The following LGI2 variants were observed in gnomAD, a reference collection of about 807,000 sequenced individuals.
LGI2 encodes leucine rich repeat LGI family member 2.
In LGI2, 30 loss-of-function variants were observed where a neutral mutation model predicts 52.0. That is an observed-to-expected ratio of 0.58 (90% CI 0.43 to 0.78). The LOEUF is 0.78. Ranked by LOEUF, LGI2 falls within the 30% of genes least tolerant of loss-of-function variation. The pLI is 0.00. For missense variants in LGI2, 573 were observed against 692.5 expected (o/e 0.83, Z 1.94); for synonymous variants, 270 against 271.8 (o/e 0.99, Z 0.06).
intron 1 of LGI2, among the ~76,000 whole-genome samples, chr4:25,030,037 G>C (rs547472325): frequency 6.6e-6 from 1 of 152,290 alleles, no homozygotes; most frequent in Admixed American, 6.5e-5. Flanking sequence ...CACTCAGTCA[G>C]GTCGTGTTCA....
intron 6 of LGI2, among the ~76,000 whole-genome samples, chr4:25,016,385 CT>C (rs1470771117): frequency 6.6e-6 from 1 of 152,208 alleles, no homozygotes; most frequent in Non-Finnish European, 1.5e-5. Context: ...TCTCAGTGAG[CT>C]TTAGTTTAGC....
chr4:25,005,685 G>A (rs947430184), intron 7 of LGI2, among the ~76,000 whole-genome samples: 3 of 152,060 alleles, frequency 2.0e-5, no homozygotes, highest in African/African-American at 7.2e-5. Context: ...AAAGGCAGGA[G>A]TGAGGTCTCA....
downstream of LGI2, among the ~76,000 whole-genome samples, chr4:24,998,358 G>A (rs1045642676): frequency 3.3e-5 from 5 of 152,242 alleles, no homozygotes; most frequent in African/African-American, 9.6e-5. Context: ...TATGTGATTT[G>A]GTTTCTGAGC....
downstream of LGI2, among the ~76,000 whole-genome samples, chr4:24,997,750 T>C (rs1353064784): frequency 1.3e-5 from 2 of 152,142 alleles, no homozygotes; most frequent in African/African-American, 2.4e-5. Flanking sequence ...TATAATCTCC[T>C]CTCTTTGAGG....
intron 6 of LGI2, among the ~76,000 whole-genome samples, chr4:25,014,548 C>A (rs1350932047): frequency 1.4e-5 from 2 of 139,306 alleles, no homozygotes; most frequent in Admixed American, 1.6e-4. Flanking sequence ...CAGGGCCAGG[C>A]AAGATAGGCA....
intron 6 of LGI2, among the ~76,000 whole-genome samples, chr4:25,016,501 TG>T (rs1709681842): frequency 6.6e-6 from 1 of 152,246 alleles, no homozygotes; most frequent in Non-Finnish European, 1.5e-5. Context: ...TTTATTGTCC[TG>T]GCCCTAAAAT....
rs534277523 is a variant in LGI2, at chr4:25,016,627, G to T, written c.655+1362C>A. On this transcript the variant is annotated intron_variant, in intron 6 of 7. Coordinates refer to ENST00000382114, the MANE Select transcript of LGI2 (RefSeq NM_018176.4). ...AAAAGTCATTTCTGTGAGATTGCAG[G>T]TTGTCTATCAGAAAAGAATAGAACT... Among the ~76,000 whole-genome samples the T allele has an allele frequency of 3.2e-4, 48 of 152,310 alleles. No individual in the cohort carries two copies. In the South Asian group the frequency reaches 6.2e-3, roughly 20 times the overall value.
intron 5 of LGI2, 29 bp from the exon 6 acceptor site, chr4:25,018,187 T>C (rs777881775): frequency 6.6e-7 from 1 of 1,515,344 alleles, no homozygotes; most frequent in Non-Finnish European, 9.0e-7. Context: ...CACAAACACA[T>C]ACAAAGAGAA....
chr4:24,999,629 A>G lies in LGI2; in HGVS notation c.*3822T>C, dbSNP rs1037733907. On this transcript the variant is annotated 3_prime_UTR_variant, in exon 8 of 8. Coordinates refer to ENST00000382114, the MANE Select transcript of LGI2 (RefSeq NM_018176.4). ...GCTTAAGAGGTTTTCTTTAGGTGGC[A>G]TGCAAATAGACTCCCCTCCTGCAGA... 1 of 313,722 alleles carries G rather than the reference A, an allele frequency of 3.2e-6. No homozygotes were observed. Among genetic ancestry groups the G allele is most frequent in the Non-Finnish European group, 6.3e-6 (1 of 159,622 alleles). 19.4% of individuals were successfully genotyped at this position (313,722 alleles called of 1,614,324 possible).
At position 25,030,680 on chromosome 4, in the gene LGI2, C is replaced by T; in HGVS notation, c.14G>A (p.Arg5Lys). ...CAGCCCGAGCGCTCCGCAGCCGCCT[C>T]TCCGCAGCGCCATGCCCGGTCCCCG... MALR[R>K]GGCGALGLLL... Residue 5 changes from arginine (R) to lysine (K), a missense_variant, in exon 1 of 8, where the codon AGA (arginine) becomes AAA (lysine). By Grantham distance (26) the Arg-to-Lys change is conservative. Transcript: ENST00000382114. The T allele has an allele frequency of 6.8e-7, 1 of 1,475,512 alleles. No individual in the cohort carries two copies. Among genetic ancestry groups the T allele is most frequent in the Non-Finnish European group, 8.9e-7 (1 of 1,119,580 alleles). 91.4% of individuals were successfully genotyped at this position (1,475,512 alleles called of 1,614,324 possible).
chr4:25,003,780 T>C lies in LGI2; in HGVS notation c.1309A>G (p.Thr437Ala), dbSNP rs1725317652. The C allele has an allele frequency of 2.5e-6, 4 of 1,613,880 alleles. No individual in the cohort carries two copies. Among genetic ancestry groups the C allele is most frequent in the Non-Finnish European group, 3.4e-6 (4 of 1,179,978 alleles). ...ACCCGGGAGTCCCCGATGAAGCGGG[T>C]AAGGGAAAGGTAGAGGGTATTTTGC... ...RMQNTLYLSL[T>A]RFIGDSRVMR... is the part of the protein sequence containing the mutation. The change falls in exon 8 of 8, where the codon ACC becomes GCC. Residue 437 changes from threonine to alanine, a missense_variant. Thr to Ala is a moderately conservative substitution (Grantham distance 58). Coordinates refer to ENST00000382114, the MANE Select transcript of LGI2 (RefSeq NM_018176.4).
chr4:25,004,162 C>G lies in LGI2; in HGVS notation c.927G>C (p.Trp309Cys). The G allele has an allele frequency of 6.2e-7, 1 of 1,614,116 alleles. No homozygotes were observed. The highest frequency in any genetic ancestry group is 1.7e-5 in the Admixed American group (1 of 60,012). ...GSHIYKYDES[W>C]TKFVKFQDIE... ...TGTCTTGGAATTTGACAAATTTGGT[C>G]CAACTCTCGTCGTATTTGTAAATGT... Residue 309 changes from tryptophan (W) to cysteine (C), a missense_variant, in exon 8 of 8, where the codon TGG (tryptophan) becomes TGC (cysteine). Physicochemically the swap from Trp to Cys is radical, Grantham distance 215 (BLOSUM62 -2). Transcript: ENST00000382114. This position sits in a 1 kb window ranked among gnomAD's most constrained non-coding sequence, Gnocchi z 4.6.
At chr4:25,008,634 GA>G (rs1283132692) in intron 7 of LGI2, among the ~76,000 whole-genome samples, 1 of 151,780 alleles carries the variant, frequency 6.6e-6, no homozygotes, top group Non-Finnish European at 1.5e-5. Context: ...AGATAAAGTG[GA>G]AATTCCTAAA....
Position 25,030,788 on chromosome 4 carries a change from T to C in LGI2, c.-95A>G. On this transcript the variant is annotated 5_prime_UTR_variant, in exon 1 of 8. Coordinates refer to ENST00000382114, the MANE Select transcript of LGI2 (RefSeq NM_018176.4). The stretch of plus-strand genomic sequence containing the variant: ...TGCAGACGCGGGCGCCGCTCGCTGC[T>C]CTGCCGCCGCCGCTGCTGGCGAGGA... 1.5e-6 allele frequency: 1 copy of C among 659,766 alleles called. No individual in the cohort carries two copies. Among genetic ancestry groups the C allele is most frequent in the Non-Finnish European group, 1.9e-6 (1 of 527,290 alleles). 40.9% of individuals were successfully genotyped at this position (659,766 alleles called of 1,614,324 possible).
Position 25,000,006 on chromosome 4 carries a change from T to G in LGI2, c.*3445A>C, listed in dbSNP as rs1725190700. ...CAACCAGACCAGCTAGATATCCTCC[T>G]TAGTACAACAGAAAACTATCCAAAA... is the stretch of plus-strand genomic sequence containing the variant. On this transcript the variant is annotated 3_prime_UTR_variant, in exon 8 of 8. Transcript: ENST00000382114. 5.7e-6 allele frequency: 2 copies of G among 352,032 alleles called. No homozygotes were observed. The highest frequency in any genetic ancestry group is 7.2e-5 in the Admixed American group (2 of 27,658). The allele number at this position is 352,032 out of a possible 1,614,324, so 21.8% of individuals were successfully genotyped here.
At chr4:25,007,027 C>T (rs116329020) in intron 7 of LGI2, among the ~76,000 whole-genome samples, 1,533 of 152,180 alleles carry the variant, frequency 0.01, 10 homozygotes, top group Non-Finnish European at 0.015. Context: ...CTGGGGTTTA[C>T]GTTATCCATA....
intron 7 of LGI2, among the ~76,000 whole-genome samples, chr4:25,008,489 G>T (rs1421181835): frequency 6.7e-6 from 1 of 148,410 alleles, no homozygotes; most frequent in Non-Finnish European, 1.5e-5. Flanking sequence ...GGAGGTGGAG[G>T]TTGCAGTGAG....
chr4:25,004,078 C>T lies in LGI2; in HGVS notation c.1011G>A (p.Glu337=). Residue 337 remains glutamate (E), a synonymous_variant, in exon 8 of 8, where the codon GAG becomes GAA. Coordinates refer to ENST00000382114, the MANE Select transcript of LGI2 (RefSeq NM_018176.4). The surrounding 1 kb of genome is among the most constrained non-coding windows in gnomAD (Gnocchi z 4.6). ...AGCTGTCTGCGATGACAAAGAACGT[C>T]TCGTCGTCGATCTGAAACAGCTCGA... The part of the protein sequence containing the change: ...NDIELFQIDD[E]TFFVIADSSK... 1 of 1,614,168 alleles carries T rather than the reference C, an allele frequency of 6.2e-7. No individual in the cohort carries two copies. Among genetic ancestry groups the T allele is most frequent in the Non-Finnish European group, 8.5e-7 (1 of 1,180,036 alleles).
In LGI2 at chr4:25,024,803, C is replaced by T. The variant is rs754831284; in HGVS notation, c.413+17G>A. ...TCCACATATTAGAGGACTTACAATACTTTTCATAGGACTTACAGGTGAGTC... is the reference window on the plus strand; with the variant it reads ...TCCACATATTAGAGGACTTACAATATTTTTCATAGGACTTACAGGTGAGTC... On this transcript the variant is annotated intron_variant, in intron 4 of 7. Transcript: ENST00000382114. 2 of 1,568,484 alleles carry T rather than the reference C, an allele frequency of 1.3e-6. No homozygotes were observed. Among genetic ancestry groups the T allele is most frequent in the South Asian group, 2.3e-5 (2 of 85,136 alleles).
Sources: gnomAD v4.1 joint callset for allele counts (sites outside exome capture counted in the v4.1 genomes callset) on GRCh38, gnomAD v4.1.1 for gene constraint, Gnocchi (gnomAD v3.1) non-coding constraint, MANE v1.5 for transcripts, NCBI Gene and HGNC (gene_info 2026-07-23, HGNC 2026-07-21) for gene names.